USH2A: variants seen among roughly 807,000 people sequenced by gnomAD.
The protein encoded by USH2A is usherin.
USH2A carries 443 observed loss-of-function variants against 538.9 expected under a neutral mutation model. That is an observed-to-expected ratio of 0.82 (90% CI 0.76 to 0.89). The LOEUF (loss-of-function observed/expected upper bound fraction) is 0.89, where lower values mean the gene tolerates loss of function less well. Ranked by LOEUF, USH2A falls within the 40% of genes least tolerant of loss-of-function variation. The pLI is 0.00. For missense variants in USH2A, 6,633 were observed against 6,324.8 expected, an observed-to-expected ratio of 1.05 and a Z score of -1.65; for synonymous variants, 2,413 against 2,273.5, an observed-to-expected ratio of 1.06 and a Z score of -1.75.
In USH2A at chr1:216,175,292, T is replaced by G. The variant is rs756423843; in HGVS notation, c.4587A>C (p.Lys1529Asn). Reference protein sequence around the residue: ...GIRFIGNGYCKFPSSTHPVNT... With the variant: ...GIRFIGNGYCNFPSSTHPVNT... ...TGACTGGGTGAGTGGAGCTGGGAAA[T>G]TTACAATACCCATTTCCTATGAAAC... The change falls in exon 21 of 72, where the codon AAA (lysine) becomes AAC (asparagine). Residue 1529 changes from lysine (K) to asparagine (N), a missense_variant. Coordinates refer to ENST00000307340, the MANE Select transcript of USH2A (RefSeq NM_206933.4). The G allele has an allele frequency of 2.7e-5, 43 of 1,613,584 alleles. 3 individuals are homozygous for G. The highest frequency in any genetic ancestry group is 2.2e-4 in the Admixed American group (13 of 59,954).
intron 51 of USH2A, among the ~76,000 whole-genome samples, chr1:215,787,129 T>C (rs909193748): frequency 6.6e-6 from 1 of 152,212 alleles, no homozygotes; most frequent in African/African-American, 2.4e-5. Context: ...AAGTCACTTA[T>C]GTTTTCAAAA....
chr1:215,643,747 C>T (rs1051881533), intron 67 of USH2A, among the ~76,000 whole-genome samples: 10 of 152,186 alleles, frequency 6.6e-5, no homozygotes, highest in African/African-American at 2.2e-4. Context: ...CCAGGCTGGT[C>T]GTGAACTCTT....
chr1:216,088,293 C>A (rs10779664), intron 23 of USH2A, among the ~76,000 whole-genome samples: 72,899 of 151,926 alleles, frequency 0.48, 18,381 homozygotes, highest in East Asian at 0.86. Flanking sequence ...CTGGCTTTTT[C>A]ATTCTCAGAA....
chr1:216,079,695 G>T (rs1323887690), intron 26 of USH2A, among the ~76,000 whole-genome samples: 1 of 152,058 alleles, frequency 6.6e-6, no homozygotes, highest in Non-Finnish European at 1.5e-5. Flanking sequence ...GTATTACCTT[G>T]CACTAAAAGC....
At chr1:216,190,517 AAG>A (rs1173643420) in intron 19 of USH2A, 150 bp from the exon 20 acceptor site, 4 of 955,912 alleles carry the variant, frequency 4.2e-6, no homozygotes, top group Non-Finnish European at 6.1e-6. Flanking sequence ...TTTTTTTCTG[AAG>A]AGTCTCGACA....
intron 3 of USH2A, among the ~76,000 whole-genome samples, chr1:216,388,761 G>A (rs1358915495): frequency 1.3e-5 from 2 of 152,204 alleles, no homozygotes; most frequent in Admixed American, 6.5e-5. Context: ...CAGTCCAATA[G>A]CAACTTCTAA....
rs746610031 is a variant in USH2A, at chr1:215,813,756, T to A, written c.9719A>T (p.Tyr3240Phe). Reference sequence around the variant, plus strand: ...CTCACCTGGTAGAATTCTAGCGTAATACCCAGAGCAGCACTGATGATTTGG... The same window carrying A: ...CTCACCTGGTAGAATTCTAGCGTAAAACCCAGAGCAGCACTGATGATTTGG... ...AQPNHQCCSGYYARILPGEVC... is the reference protein window; with the variant it reads ...AQPNHQCCSGFYARILPGEVC... The change falls in exon 49 of 72, where the codon TAT (tyrosine) becomes TTT (phenylalanine). Residue 3240 changes from tyrosine to phenylalanine, a missense_variant. Transcript: ENST00000307340. 6.2e-7 allele frequency: 1 copy of A among 1,613,864 alleles called. No homozygotes were observed. The highest frequency in any genetic ancestry group is 1.7e-5 in the Admixed American group (1 of 59,996).
chr1:215,937,006 C>A (rs1666517093), intron 37 of USH2A, among the ~76,000 whole-genome samples: 1 of 151,986 alleles, frequency 6.6e-6, no homozygotes. Flanking sequence ...TGGAGGAAGT[C>A]ACTGAAAAAT....
chr1:216,011,281 G>A (rs895659443), intron 32 of USH2A, among the ~76,000 whole-genome samples: 11 of 151,702 alleles, frequency 7.3e-5, no homozygotes, highest in Non-Finnish European at 4.4e-5. Flanking sequence ...CTTTGCACCC[G>A]TCATCCCAGC....
intron 64 of USH2A, among the ~76,000 whole-genome samples, chr1:215,668,162 G>A (rs1421803720): frequency 1.3e-5 from 2 of 152,188 alleles, no homozygotes; most frequent in Admixed American, 6.5e-5. Context: ...GGACAATGAA[G>A]GTATTTTCAA....
At chr1:215,950,000 A>G (rs76673891) in intron 37 of USH2A, among the ~76,000 whole-genome samples, 17,861 of 152,160 alleles carry the variant, frequency 0.12, 1,192 homozygotes, top group African/African-American at 0.18. Flanking sequence ...AGAGCAACCT[A>G]CCATTTTTAT....
chr1:215,766,964 T>C (rs1437500274), intron 55 of USH2A, among the ~76,000 whole-genome samples, 176 bp from the exon 56 acceptor site: 1 of 152,154 alleles, frequency 6.6e-6, no homozygotes, highest in African/African-American at 2.4e-5. Context: ...TTGGGCAAAA[T>C]TTCATTTATC....
chr1:216,207,231 T>A (rs1282842523), intron 16 of USH2A, 42 bp downstream of exon 16: 1 of 1,610,774 alleles, frequency 6.2e-7, no homozygotes. Context: ...AATGTGTCAA[T>A]TCTCAGAATA....
At chr1:215,628,786 A>AT (rs747224697) in intron 71 of USH2A, 28 bp downstream of exon 71, 1 of 1,611,084 alleles carries the variant, frequency 6.2e-7, no homozygotes, top group Non-Finnish European at 8.5e-7. Flanking sequence ...ATATTTAGCA[A>AT]AGGCCCTGTA....
chr1:216,202,409 T>C (rs528757878), intron 16 of USH2A, among the ~76,000 whole-genome samples: 1 of 152,330 alleles, frequency 6.6e-6, no homozygotes, highest in East Asian at 1.9e-4. Flanking sequence ...AGGCAATTTA[T>C]AGTGTGAAAG....
rs1270051165 is a variant in USH2A at position 215,743,253 on chromosome 1, A to G, written c.11472T>C (p.Gly3824=). 6.2e-7 allele frequency: 1 copy of G among 1,612,272 alleles called. No homozygotes were observed. The highest frequency in any genetic ancestry group is 1.3e-5 in the African/African-American group (1 of 74,554). ...TTTCCAGAAGGGTGGATTGATGATGACCAACGGAGAAGGCCAGAGGTGTTA... is the reference window on the plus strand; with the variant it reads ...TTTCCAGAAGGGTGGATTGATGATGGCCAACGGAGAAGGCCAGAGGTGTTA... ...GSVTPLAFSV[G]HHQSTLLENL... Residue 3824 remains glycine, a synonymous_variant, in exon 59 of 72, where the codon GGT becomes GGC. Coordinates refer to ENST00000307340, the MANE Select transcript of USH2A (RefSeq NM_206933.4).
At chr1:215,663,409 T>C (rs947587830) in intron 64 of USH2A, among the ~76,000 whole-genome samples, 2 of 152,218 alleles carry the variant, frequency 1.3e-5, no homozygotes, top group Non-Finnish European at 2.9e-5. Flanking sequence ...CTATGTGATC[T>C]TAACTCAGCT....
intron 62 of USH2A, among the ~76,000 whole-genome samples, 200 bp from the exon 63 acceptor site, chr1:215,675,816 T>C (rs1658005350): frequency 6.6e-6 from 1 of 152,210 alleles, no homozygotes; most frequent in Non-Finnish European, 1.5e-5. Flanking sequence ...ATGTTTTTCT[T>C]TGCCTTTTTC....
intron 60 of USH2A, among the ~76,000 whole-genome samples, chr1:215,731,601 G>A (rs1403324876): frequency 5.9e-5 from 9 of 152,148 alleles, no homozygotes; most frequent in Admixed American, 3.3e-4. Flanking sequence ...CTAACACTAA[G>A]AGGAAAACAA....
Sources: gnomAD v4.1 joint callset for allele counts (sites outside exome capture counted in the v4.1 genomes callset) on GRCh38, gnomAD v4.1.1 for gene constraint, MANE v1.5 for transcripts, NCBI Gene and HGNC (gene_info 2026-07-23, HGNC 2026-07-21) for gene names.